Variants in CNTN6 observed in about 807,000 individuals in gnomAD.
CNTN6 encodes the protein contactin-6.
In CNTN6, 137 loss-of-function variants were observed where a neutral mutation model predicts 122.8. The observed-to-expected ratio is 1.12, with a 90% confidence interval of 0.97 to 1.29. CNTN6 has a LOEUF of 1.29. Among genes scored for constraint, CNTN6 ranks in the 50% most tolerant of loss-of-function variants. The pLI is 0.00. For synonymous variants in CNTN6, 570 were observed against 426.0 expected, an observed-to-expected ratio of 1.34 and a Z score of -4.16; for missense variants, 1,634 against 1,223.4, an observed-to-expected ratio of 1.34 and a Z score of -5.01.
chr3:1,133,095 G>A (rs774086273), intron 1 of CNTN6, among the ~76,000 whole-genome samples: 36 of 152,058 alleles, frequency 2.4e-4, no homozygotes, highest in Admixed American at 4.6e-4. Flanking sequence ...GCAATATGCC[G>A]AAAAAGGAGA....
chr3:1,315,150 A>G (rs1699917926), intron 7 of CNTN6, among the ~76,000 whole-genome samples: 3 of 152,040 alleles, frequency 2.0e-5, no homozygotes, highest in Non-Finnish European at 4.4e-5. Context: ...GATAATCTCC[A>G]TTCTGAAGAC....
chr3:1,305,985 C>T (rs939104460), intron 7 of CNTN6, among the ~76,000 whole-genome samples: 2 of 152,136 alleles, frequency 1.3e-5, no homozygotes, highest in Non-Finnish European at 2.9e-5. Context: ...GCAGATTATA[C>T]TGCAGAAAGA....
chr3:1,093,380 G>A (rs1179562946), intron 1 of CNTN6, among the ~76,000 whole-genome samples: 1 of 152,156 alleles, frequency 6.6e-6, no homozygotes, highest in Non-Finnish European at 1.5e-5. Context: ...AAGACTACAG[G>A]TATATTTCTC....
chr3:1,376,411 C>T (rs1264798631), intron 16 of CNTN6, among the ~76,000 whole-genome samples: 1 of 152,048 alleles, frequency 6.6e-6, no homozygotes, highest in Non-Finnish European at 1.5e-5. Flanking sequence ...AAGAACCTCT[C>T]CCAGTCGCAT....
At chr3:1,346,874 T>C (rs1202561603) in intron 11 of CNTN6, among the ~76,000 whole-genome samples, 1 of 152,132 alleles carries the variant, frequency 6.6e-6, no homozygotes, top group East Asian at 1.9e-4. Context: ...GTTCTGTTCA[T>C]AATGACCCAT....
intron 11 of CNTN6, among the ~76,000 whole-genome samples, chr3:1,339,671 C>G (rs1358497238): frequency 2.0e-5 from 3 of 152,078 alleles, no homozygotes; most frequent in African/African-American, 7.2e-5. Flanking sequence ...GACTGTCTTA[C>G]TGTATATTTG....
At chr3:1,313,626 T>A (rs543173611) in intron 7 of CNTN6, among the ~76,000 whole-genome samples, 5 of 152,228 alleles carry the variant, frequency 3.3e-5, no homozygotes, top group African/African-American at 1.2e-4. Flanking sequence ...CTGTTACCAC[T>A]GCTATTATAA....
intron 1 of CNTN6, among the ~76,000 whole-genome samples, chr3:1,116,991 A>G (rs2091748409): frequency 6.6e-6 from 1 of 152,038 alleles, no homozygotes; most frequent in Non-Finnish European, 1.5e-5. Context: ...CTTCACAGGC[A>G]TGAGCCACAG....
chr3:1,206,393 C>G (rs2093958488), intron 2 of CNTN6, among the ~76,000 whole-genome samples: 1 of 152,182 alleles, frequency 6.6e-6, no homozygotes, highest in Non-Finnish European at 1.5e-5. Context: ...CCTCCTGTTA[C>G]TGTGGATGGA....
chr3:1,157,931 A>G (rs1022181371), intron 2 of CNTN6, among the ~76,000 whole-genome samples: 2 of 152,142 alleles, frequency 1.3e-5, no homozygotes, highest in Non-Finnish European at 1.5e-5. Flanking sequence ...AATTTTGGCT[A>G]TTGTGAATAG....
intron 4 of CNTN6, among the ~76,000 whole-genome samples, chr3:1,267,661 AT>A (rs1263815016): frequency 2.0e-5 from 3 of 152,188 alleles, no homozygotes; most frequent in Non-Finnish European, 4.4e-5. Flanking sequence ...ATAGTGTCGA[AT>A]CCATTTACGG....
At chr3:1,256,812 G>C (rs754628639) in intron 4 of CNTN6, among the ~76,000 whole-genome samples, 2 of 151,990 alleles carry the variant, frequency 1.3e-5, no homozygotes, top group Non-Finnish European at 2.9e-5. Flanking sequence ...ATTGGACTTT[G>C]TTAGGCTTCA....
chr3:1,327,370 T>G (rs1575716833), intron 9 of CNTN6, 87 bp from the exon 10 acceptor site: 1 of 1,345,148 alleles, frequency 7.4e-7, no homozygotes, highest in Admixed American at 2.0e-5. Flanking sequence ...CTCATAGATA[T>G]ACACAAATGT....
intron 1 of CNTN6, among the ~76,000 whole-genome samples, chr3:1,135,705 T>A (rs1261498993): frequency 1.3e-5 from 2 of 152,068 alleles, no homozygotes; most frequent in Admixed American, 6.6e-5. Context: ...AAAAAGAAGT[T>A]ATGAGGCCAG....
At chr3:1,139,896 A>G (rs935463597) in intron 1 of CNTN6, among the ~76,000 whole-genome samples, 3 of 152,182 alleles carry the variant, frequency 2.0e-5, no homozygotes, top group Non-Finnish European at 4.4e-5. Context: ...AGACTCAGCT[A>G]TTGTTTCAGG....
At chr3:1,346,149 A>G (rs188379139) in intron 11 of CNTN6, among the ~76,000 whole-genome samples, 115 of 152,250 alleles carry the variant, frequency 7.6e-4, no homozygotes, top group African/African-American at 2.6e-3. Flanking sequence ...ATGTAAATAA[A>G]TTAAGGATTG....
At chr3:1,128,515 T>A (rs183149142) in intron 1 of CNTN6, 25 of 152,088 alleles carry the variant, frequency 1.6e-4, no homozygotes, top group African/African-American at 5.1e-4. Context: ...CAAAGTACAT[T>A]CCAAAAATCA....
intron 20 of CNTN6, among the ~76,000 whole-genome samples, chr3:1,394,621 TTC>T (rs1694756530): frequency 6.6e-6 from 1 of 152,304 alleles, no homozygotes; most frequent in African/African-American, 2.4e-5. Flanking sequence ...TAATAATTTT[TTC>T]TGTCATCTGA....
chr3:1,139,297 A>T (rs2125131409), intron 1 of CNTN6, among the ~76,000 whole-genome samples: 1 of 152,238 alleles, frequency 6.6e-6, no homozygotes, highest in Non-Finnish European at 1.5e-5. Flanking sequence ...CTGTTATTGA[A>T]TTCATTGCTG....
Sources: allele counts gnomAD v4.1 joint callset (sites outside exome capture counted in the v4.1 genomes callset), GRCh38; gene constraint gnomAD v4.1.1; transcripts MANE v1.5; gene names NCBI Gene and HGNC (gene_info 2026-07-23, HGNC 2026-07-21).